The following ADAMTSL1 variants were observed in gnomAD, a reference collection of about 807,000 sequenced individuals.
ADAMTSL1 encodes the protein ADAMTS-like protein 1.
ADAMTSL1 carries 126 observed loss-of-function variants against 201.8 expected under a neutral mutation model. That is an observed-to-expected ratio of 0.62 (90% CI 0.54 to 0.72). ADAMTSL1 has a LOEUF of 0.72. ADAMTSL1 is among the 30% of genes least tolerant of loss of function. The pLI is 0.00. For synonymous variants in ADAMTSL1, 1,121 were observed against 903.4 expected (o/e 1.24, Z -4.32); for missense variants, 2,679 against 2,277.8 (o/e 1.18, Z -3.59).
chr9:18,149,765 A>G (rs1034856989), intron 1 of ADAMTSL1, among the ~76,000 whole-genome samples: 1 of 152,068 alleles, frequency 6.6e-6, no homozygotes, highest in African/African-American at 2.4e-5. Context: ...ATAAGATTAG[A>G]AACAGAGAGA....
chr9:18,377,741 T>C (rs1837365323), intron 2 of ADAMTSL1, among the ~76,000 whole-genome samples: 1 of 152,130 alleles, frequency 6.6e-6, no homozygotes, highest in African/African-American at 2.4e-5. Flanking sequence ...TAATTTTTTG[T>C]ATTTTTAGTA....
intron 2 of ADAMTSL1, among the ~76,000 whole-genome samples, chr9:18,254,667 G>GCCC (rs530444304): frequency 3.6e-4 from 15 of 41,830 alleles, no homozygotes; most frequent in African/African-American, 1.1e-3. Flanking sequence ...CTGCCCCCCC[G>GCCC]CCCCCCCCAG....
At chr9:18,259,955 C>T (rs919432761) in intron 2 of ADAMTSL1, among the ~76,000 whole-genome samples, 6 of 152,116 alleles carry the variant, frequency 3.9e-5, no homozygotes, top group Non-Finnish European at 8.8e-5. Flanking sequence ...TTAACTCATT[C>T]AAGGAGTTGG....
rs62549157 is a variant in ADAMTSL1, at chr9:18,847,381, G to T, written c.4249+17404G>T. 5.9e-4 allele frequency among the ~76,000 whole-genome samples: 90 copies of T among 152,278 alleles called. No homozygotes were observed. In the Middle Eastern group the frequency reaches 0.01, roughly 17 times the overall value. On this transcript the variant is annotated intron_variant, in intron 23 of 28. Coordinates refer to ENST00000380548, the MANE Select transcript of ADAMTSL1 (RefSeq NM_001040272.6). ...TTCCATGTTTTCAGCACCATTGAAG[G>T]CAGCAGAGACAAAACAGACAAAAGT...
chr9:18,842,737 T>C (rs543665280), intron 23 of ADAMTSL1, among the ~76,000 whole-genome samples: 27 of 152,342 alleles, frequency 1.8e-4, no homozygotes, highest in African/African-American at 5.5e-4. Flanking sequence ...GGTGCATATA[T>C]ATTTAGGATA....
chr9:18,181,077 A>G (rs1478010397), intron 2 of ADAMTSL1, among the ~76,000 whole-genome samples: 32 of 152,206 alleles, frequency 2.1e-4, no homozygotes, highest in Non-Finnish European at 1.5e-5. Flanking sequence ...AAAACTGGCT[A>G]GCCATATGTA....
At chr9:18,704,187 G>T (rs377670980) in intron 13 of ADAMTSL1, among the ~76,000 whole-genome samples, 1 of 152,044 alleles carries the variant, frequency 6.6e-6, no homozygotes, top group Non-Finnish European at 1.5e-5. Context: ...AGTTTTATTG[G>T]AACACAGCCA....
At chr9:18,061,206 G>A (rs1301201545) in intron 1 of ADAMTSL1, among the ~76,000 whole-genome samples, 1 of 152,220 alleles carries the variant, frequency 6.6e-6, no homozygotes, top group African/African-American at 2.4e-5. Context: ...AAGTATTTGT[G>A]TAACATTAGA....
At chr9:18,523,873 C>G (rs1185730330) in intron 2 of ADAMTSL1, among the ~76,000 whole-genome samples, 1 of 136,266 alleles carries the variant, frequency 7.3e-6, no homozygotes, top group African/African-American at 2.8e-5. Context: ...AGTCAGGTAG[C>G]GTGATGCCTC....
chr9:18,646,601 G>C (rs61210695), intron 7 of ADAMTSL1, among the ~76,000 whole-genome samples: 32 of 145,772 alleles, frequency 2.2e-4, no homozygotes, highest in Non-Finnish European at 3.5e-4. Context: ...TAGCATGAAG[G>C]GTTGTTGAAT....
intron 2 of ADAMTSL1, among the ~76,000 whole-genome samples, chr9:18,191,602 G>T (rs1828973902): frequency 6.6e-6 from 1 of 152,144 alleles, no homozygotes. Flanking sequence ...AAAGGCTCTG[G>T]CCTTGGCAAG....
At chr9:18,433,370 A>G (rs1819581747) in intron 2 of ADAMTSL1, among the ~76,000 whole-genome samples, 1 of 152,120 alleles carries the variant, frequency 6.6e-6, no homozygotes, top group Non-Finnish European at 1.5e-5. Flanking sequence ...GAATGACTCC[A>G]TATTTCCTCA....
At chr9:18,592,231 G>A (rs1823966964) in intron 4 of ADAMTSL1, among the ~76,000 whole-genome samples, 1 of 151,888 alleles carries the variant, frequency 6.6e-6, no homozygotes, top group African/African-American at 2.4e-5. Flanking sequence ...ATCATCTCTT[G>A]GTCAAACCAC....
chr9:18,017,783 C>T (rs1820320747), intron 1 of ADAMTSL1, among the ~76,000 whole-genome samples: 1 of 151,978 alleles, frequency 6.6e-6, no homozygotes. Flanking sequence ...CTGTTTCTTT[C>T]CCTGCCGCCA....
chr9:18,596,128 C>T (rs901829778), intron 4 of ADAMTSL1, among the ~76,000 whole-genome samples: 12 of 152,168 alleles, frequency 7.9e-5, no homozygotes, highest in Non-Finnish European at 1.0e-4. Flanking sequence ...TTTCCATTTA[C>T]ATTTAAGATA....
chr9:18,142,169 G>A (rs1054775438), intron 1 of ADAMTSL1, among the ~76,000 whole-genome samples: 1 of 152,070 alleles, frequency 6.6e-6, no homozygotes, highest in South Asian at 2.1e-4. Context: ...TCCTGCCTGC[G>A]GTATCTTCTA....
chr9:18,254,667 GC>G (rs530444304), intron 2 of ADAMTSL1, among the ~76,000 whole-genome samples: 3 of 41,828 alleles, frequency 7.2e-5, no homozygotes, highest in East Asian at 5.9e-4. Context: ...CTGCCCCCCC[GC>G]CCCCCCCAGT....
chr9:18,540,291 G>A (rs1402370959), intron 3 of ADAMTSL1, among the ~76,000 whole-genome samples: 1 of 152,176 alleles, frequency 6.6e-6, no homozygotes, highest in Non-Finnish European at 1.5e-5. Context: ...TTTAAAAGAG[G>A]ACAGTTTCAT....
chr9:18,325,876 G>A (rs1834813529), intron 2 of ADAMTSL1, among the ~76,000 whole-genome samples: 1 of 152,174 alleles, frequency 6.6e-6, no homozygotes, highest in Admixed American at 6.5e-5. Context: ...GCGTCGCTGG[G>A]ATTACAGGCA....
Sources: allele counts gnomAD v4.1 joint callset (sites outside exome capture counted in the v4.1 genomes callset), GRCh38; gene constraint gnomAD v4.1.1; transcripts MANE v1.5; gene names NCBI Gene and HGNC (gene_info 2026-07-23, HGNC 2026-07-21).